MCPH1: variants seen among roughly 807,000 people sequenced by gnomAD.
MCPH1 encodes the protein microcephalin.
A neutral mutation model predicts 84.5 loss-of-function variants in MCPH1; 104 were observed. That is an observed-to-expected ratio of 1.23 (90% CI 1.05 to 1.45). The LOEUF is 1.45. MCPH1 is among the 40% of genes most tolerant of loss of function. MCPH1 has a pLI of 0.00. For synonymous variants in MCPH1, 514 were observed against 366.8 expected, an observed-to-expected ratio of 1.40 and a Z score of -4.58; for missense variants, 1,498 against 1,005.7, an observed-to-expected ratio of 1.49 and a Z score of -6.62.
chr8:6,574,341 C>T (rs1321892692), intron 12 of MCPH1, among the ~76,000 whole-genome samples: 1 of 152,026 alleles, frequency 6.6e-6, no homozygotes, highest in Non-Finnish European at 1.5e-5. Flanking sequence ...TCATGGTATT[C>T]TCCCTGTCTA....
chr8:6,605,611 C>T (rs1829704341), intron 12 of MCPH1, among the ~76,000 whole-genome samples: 1 of 152,234 alleles, frequency 6.6e-6, no homozygotes, highest in Admixed American at 6.5e-5. Context: ...GGGATGAAGT[C>T]AGTGGCTGCT....
chr8:6,608,081 G>A (rs1829939001), intron 12 of MCPH1, among the ~76,000 whole-genome samples: 1 of 152,150 alleles, frequency 6.6e-6, no homozygotes, highest in Non-Finnish European at 1.5e-5. Context: ...GTGAGCTGGA[G>A]CCCACAGCAG....
intron 12 of MCPH1, among the ~76,000 whole-genome samples, chr8:6,544,167 A>G (rs971377093): frequency 6.6e-6 from 1 of 152,256 alleles, no homozygotes; most frequent in Non-Finnish European, 1.5e-5. Flanking sequence ...TAGGAAGTGT[A>G]ACAAGTACGA....
rs554166322 is a variant in MCPH1, at chr8:6,528,194, G to A, written c.2214+28265G>A. On this transcript the variant is annotated intron_variant, in intron 12 of 13. Transcript: ENST00000344683. The stretch of plus-strand genomic sequence containing the variant: ...TTTACAGGCATTAGCCACTGCACCC[G>A]GCCGTTATGTCTCTATCTTGGAAAG... Among the ~76,000 whole-genome samples, 270 of 152,240 alleles carry A rather than the reference G, an allele frequency of 1.8e-3. 1 individual carries two copies. Among genetic ancestry groups the A allele is most frequent in the African/African-American group, 5.7e-3 (238 of 41,540 alleles).
chr8:6,546,331 A>G (rs933578111), intron 12 of MCPH1, among the ~76,000 whole-genome samples: 19 of 152,212 alleles, frequency 1.2e-4, no homozygotes. Context: ...CACCGTTTCA[A>G]CAGTATCAGC....
At chr8:6,470,419 G>T (rs1177926478) in intron 9 of MCPH1, among the ~76,000 whole-genome samples, 5 of 152,090 alleles carry the variant, frequency 3.3e-5, no homozygotes, top group South Asian at 2.1e-4. Context: ...GAGTAGCTGG[G>T]ATTACAGGTT....
rs746187861 is a variant in MCPH1, at chr8:6,409,301, G to A, written c.45G>A (p.Val15=). The A allele has an allele frequency of 1.2e-6, 2 of 1,613,884 alleles. No homozygotes were observed. Among genetic ancestry groups the A allele is most frequent in the Admixed American group, 1.7e-5 (1 of 60,006 alleles). Residue 15 remains valine, a synonymous_variant, in exon 2 of 14, where the codon GTG becomes GTA. Coordinates refer to ENST00000344683, the MANE Select transcript of MCPH1 (RefSeq NM_024596.5). ...CAGATGTAGTGGCCTATGTTGAAGT[G>A]TGGTCATCCAATGGAACAGAAAATT... The part of the protein sequence containing the change: ...ILKDVVAYVE[V]WSSNGTENYS...
chr8:6,599,211 A>AT (rs1446042093), intron 12 of MCPH1, among the ~76,000 whole-genome samples: 1 of 152,212 alleles, frequency 6.6e-6, no homozygotes, highest in African/African-American at 2.4e-5. Flanking sequence ...ACCTAAAAGG[A>AT]ATGCCTTCCT....
intron 12 of MCPH1, among the ~76,000 whole-genome samples, chr8:6,597,580 G>A (rs927422275): frequency 5.9e-5 from 9 of 152,152 alleles, no homozygotes. Flanking sequence ...GAGTTCTGCT[G>A]GGTTTTCTCT....
At chr8:6,509,028 T>C in intron 12 of MCPH1, 3 of 1,614,200 alleles carry the variant, frequency 1.9e-6, no homozygotes, top group Non-Finnish European at 2.5e-6. Flanking sequence ...CTGCTTATTT[T>C]GCCGGCTGTC....
At chr8:6,611,685 C>G (rs1830283132) in intron 12 of MCPH1, among the ~76,000 whole-genome samples, 1 of 152,156 alleles carries the variant, frequency 6.6e-6, no homozygotes, top group Non-Finnish European at 1.5e-5. Flanking sequence ...GTGGCGCCAT[C>G]TCAGCTCCCT....
At chr8:6,618,011 A>G (rs997494991) in intron 12 of MCPH1, among the ~76,000 whole-genome samples, 1 of 151,884 alleles carries the variant, frequency 6.6e-6, no homozygotes, top group African/African-American at 2.4e-5. Flanking sequence ...GGCTTAAGCA[A>G]TCCAACTACC....
At chr8:6,484,455 G>A (rs988716381) in intron 11 of MCPH1, among the ~76,000 whole-genome samples, 28 of 152,340 alleles carry the variant, frequency 1.8e-4, no homozygotes, top group African/African-American at 5.0e-4. Flanking sequence ...TGGTCCAGCC[G>A]CTTTGAGAAA....
rs567013620 is a variant in MCPH1, at chr8:6,427,682, T to C, written c.234-3817T>C. ...CATGGGAGTTATTGCACCCGGCTCC[T>C]CCCATAAGTAAATAATCTATCTCTC... On this transcript the variant is annotated intron_variant, in intron 3 of 13. Transcript: ENST00000344683. Among the ~76,000 whole-genome samples, 14 of 152,082 alleles carry C rather than the reference T, an allele frequency of 9.2e-5. No homozygotes were observed. In the East Asian group the frequency reaches 9.7e-4, roughly 10 times the overall value.
chr8:6,446,134 T>A (rs575624064), intron 8 of MCPH1: 6 of 940,900 alleles, frequency 6.4e-6, no homozygotes, highest in Non-Finnish European at 6.3e-6. Context: ...CTTATTTTGC[T>A]TGAAGCATCA....
chr8:6,584,322 G>A (rs1279337453), intron 12 of MCPH1, among the ~76,000 whole-genome samples: 1 of 152,156 alleles, frequency 6.6e-6, no homozygotes, highest in Non-Finnish European at 1.5e-5. Context: ...TCATATCACA[G>A]TCTAGGGTTT....
At chr8:6,428,497 T>G (rs1801379021) in intron 3 of MCPH1, among the ~76,000 whole-genome samples, 1 of 152,198 alleles carries the variant, frequency 6.6e-6, no homozygotes, top group African/African-American at 2.4e-5. Context: ...AAAATGAAAC[T>G]TGCACCCCTT....
rs1586025083 is a variant in MCPH1, at chr8:6,480,764, T to C, written c.2024T>C (p.Ile675Thr). The C allele has an allele frequency of 6.2e-7, 1 of 1,614,190 alleles. No homozygotes were observed. The highest frequency in any genetic ancestry group is 8.5e-7 in the Non-Finnish European group (1 of 1,180,026). ...QVVDKLKGFSIAPDVCETTTH... is the reference protein window; with the variant it reads ...QVVDKLKGFSTAPDVCETTTH... ...GTGGATAAATTGAAAGGCTTTTCAA[T>C]TGCACCAGACGTCTGTGAGACCACG... Residue 675 changes from isoleucine to threonine, a missense_variant, in exon 11 of 14, where the codon ATT becomes ACT. Coordinates refer to ENST00000344683, the MANE Select transcript of MCPH1 (RefSeq NM_024596.5).
At chr8:6,622,795 A>T (rs1225081001) in intron 13 of MCPH1, among the ~76,000 whole-genome samples, 1 of 152,104 alleles carries the variant, frequency 6.6e-6, no homozygotes, top group African/African-American at 2.4e-5. Context: ...CTCTAAGGAT[A>T]CCAGTCAGAT....
Sources: allele counts gnomAD v4.1 joint callset (sites outside exome capture counted in the v4.1 genomes callset), GRCh38; gene constraint gnomAD v4.1.1; transcripts MANE v1.5; gene names NCBI Gene and HGNC (gene_info 2026-07-23, HGNC 2026-07-21).